The following CORO1C variants were observed in gnomAD, a reference collection of about 807,000 sequenced individuals.
The protein encoded by CORO1C is coronin 1C.
A neutral mutation model predicts 51.2 loss-of-function variants in CORO1C; 14 were observed. The observed-to-expected ratio is 0.27, with a 90% confidence interval of 0.18 to 0.43. The LOEUF (loss-of-function observed/expected upper bound fraction) is 0.43, where lower values mean the gene tolerates loss of function less well. Ranked by LOEUF, CORO1C falls within the 20% of genes least tolerant of loss-of-function variation. The pLI is 1.00. For synonymous variants in CORO1C, 181 were observed against 210.5 expected (o/e 0.86, Z 1.21); for missense variants, 417 against 607.8 (o/e 0.69, Z 3.30).
At chr12:108,648,875 G>T (rs1451700910) in intron 9 of CORO1C, 25 bp from the exon 10 acceptor site, 1 of 1,613,616 alleles carries the variant, frequency 6.2e-7, no homozygotes, top group Non-Finnish European at 8.5e-7. Flanking sequence ...TGGCACCCGT[G>T]GGTAAGGAAG....
chr12:108,678,411 A>G lies in CORO1C; in HGVS notation c.196-17T>C. The stretch of plus-strand genomic sequence containing the variant: ...TCGACCAGTCTGAAAGAAGAGAGAA[A>G]CAAACCTATTATGTAATATCAACAC... On this transcript the variant is annotated splice_polypyrimidine_tract_variant and intron_variant, in intron 2 of 10. Transcript: ENST00000261401. 2 of 1,557,924 alleles carry G rather than the reference A, an allele frequency of 1.3e-6. No individual in the cohort carries two copies. The highest frequency in any genetic ancestry group is 1.7e-6 in the Non-Finnish European group (2 of 1,148,632).
At chr12:108,684,934 G>A (rs925447026) in intron 2 of CORO1C, among the ~76,000 whole-genome samples, 3 of 151,918 alleles carry the variant, frequency 2.0e-5, no homozygotes, top group African/African-American at 7.3e-5. Context: ...TTTACATCAG[G>A]GTCTTTGCAT....
chr12:108,652,082 T>G, intron 8 of CORO1C, 190 bp downstream of exon 8: 1 of 332,476 alleles, frequency 3.0e-6, no homozygotes, highest in Non-Finnish European at 5.3e-6. Context: ...GAGATTTTTT[T>G]CTAATGAAGA....
chr12:108,730,574 C>G (rs1355680971), intron 1 of CORO1C: 1 of 152,592 alleles, frequency 6.6e-6, no homozygotes, highest in Admixed American at 6.5e-5. Context: ...GCACCTCGCT[C>G]CTTTTTACTG....
intron 3 of CORO1C, among the ~76,000 whole-genome samples, chr12:108,672,015 G>T (rs374885206): frequency 6.6e-6 from 1 of 152,062 alleles, no homozygotes; most frequent in East Asian, 1.9e-4. Context: ...CACCTGCCTC[G>T]GCCTCCCAAA....
intron 1 of CORO1C, among the ~76,000 whole-genome samples, chr12:108,716,636 C>T (rs1251992794): frequency 6.6e-6 from 1 of 152,146 alleles, no homozygotes; most frequent in Non-Finnish European, 1.5e-5. Context: ...CCAGCTAGAT[C>T]ATTTTGGTCC....
chr12:108,721,844 C>T (rs773308727), intron 1 of CORO1C, among the ~76,000 whole-genome samples: 1 of 152,072 alleles, frequency 6.6e-6, no homozygotes, highest in Non-Finnish European at 1.5e-5. Flanking sequence ...GATCAACTTT[C>T]CAAAGGTCAC....
At chr12:108,674,373 T>C (rs2033826893) in intron 3 of CORO1C, among the ~76,000 whole-genome samples, 1 of 151,792 alleles carries the variant, frequency 6.6e-6, no homozygotes, top group African/African-American at 2.4e-5. Flanking sequence ...ATGGTGAAAC[T>C]CCATCTCTAT....
intron 1 of CORO1C, among the ~76,000 whole-genome samples, chr12:108,716,756 T>TC (rs1466111173): frequency 3.9e-5 from 6 of 152,034 alleles, no homozygotes; most frequent in East Asian, 1.9e-4. Context: ...ACAGTCCACA[T>TC]CCCCCCCAGT....
chr12:108,724,169 A>G (rs1182823397), intron 1 of CORO1C, among the ~76,000 whole-genome samples: 1 of 152,208 alleles, frequency 6.6e-6, no homozygotes, highest in African/African-American at 2.4e-5. Flanking sequence ...CAACAACAAC[A>G]TAGGTACATG....
intron 2 of CORO1C, among the ~76,000 whole-genome samples, chr12:108,680,088 C>A (rs1212081640): frequency 6.6e-6 from 1 of 152,174 alleles, no homozygotes; most frequent in African/African-American, 2.4e-5. Flanking sequence ...CTTTTATGGA[C>A]CAGACATTGT....
At chr12:108,693,386 C>A (rs1208347207) in intron 2 of CORO1C, among the ~76,000 whole-genome samples, 1 of 152,270 alleles carries the variant, frequency 6.6e-6, no homozygotes, top group East Asian at 1.9e-4. Flanking sequence ...TTTCCATCAA[C>A]GTGACAGAAG....
intron 1 of CORO1C, among the ~76,000 whole-genome samples, chr12:108,708,025 C>A (rs1368649920): frequency 6.6e-6 from 1 of 152,166 alleles, no homozygotes; most frequent in Non-Finnish European, 1.5e-5. Context: ...TCATACACTC[C>A]TGGTGGGAAT....
chr12:108,648,889 A>G, intron 9 of CORO1C, 39 bp from the exon 10 acceptor site: 1 of 1,613,216 alleles, frequency 6.2e-7, no homozygotes, highest in Non-Finnish European at 8.5e-7. Flanking sequence ...AAGGAAGAAG[A>G]AAGGCCTGGG....
rs1471679935 is a variant in CORO1C, at chr12:108,648,702, T to G, written c.1208A>C (p.Lys403Thr). Residue 403 changes from lysine (K) to threonine (T), a missense_variant, in exon 10 of 11, where the codon AAG becomes ACG. Coordinates refer to ENST00000261401, the MANE Select transcript of CORO1C (RefSeq NM_014325.4). ...GYIPGKNRDL[K>T]VVKKNILDSK... ...ATCCAGAATGTTCTTCTTGACCACCTTGAGATCCCTGTTTTTGCCTGGAAT... is the reference window on the plus strand; with the variant it reads ...ATCCAGAATGTTCTTCTTGACCACCGTGAGATCCCTGTTTTTGCCTGGAAT... The G allele has an allele frequency of 1.4e-5, 23 of 1,614,156 alleles. No individual in the cohort carries two copies. The highest frequency in any genetic ancestry group is 1.9e-5 in the Non-Finnish European group (23 of 1,180,024).
intron 1 of CORO1C, among the ~76,000 whole-genome samples, chr12:108,707,720 T>C (rs890989908): frequency 6.6e-6 from 1 of 152,184 alleles, no homozygotes; most frequent in Non-Finnish European, 1.5e-5. Flanking sequence ...GAGAAAACTT[T>C]TGCAAACTTT....
At chr12:108,647,695 G>C (rs1051641491) in intron 10 of CORO1C, among the ~76,000 whole-genome samples, 173 bp from the exon 11 acceptor site, 3 of 152,196 alleles carry the variant, frequency 2.0e-5, no homozygotes, top group African/African-American at 7.2e-5. Context: ...TGAATGCAAT[G>C]AGCACTGGCC....
At chr12:108,728,365 A>C (rs1278664389) in intron 1 of CORO1C, among the ~76,000 whole-genome samples, 2 of 152,172 alleles carry the variant, frequency 1.3e-5, no homozygotes, top group Non-Finnish European at 2.9e-5. Context: ...GAAGTACTAT[A>C]CAATACTACC....
At position 108,684,565 on chromosome 12, in the gene CORO1C, G is replaced by A. The variant is rs551393789; in HGVS notation, c.196-6171C>T. Among the ~76,000 whole-genome samples the A allele has an allele frequency of 3.3e-5, 5 of 152,084 alleles. 1 individual carries two copies. In the East Asian group the frequency reaches 5.8e-4, roughly 18 times the overall value. On this transcript the variant is annotated intron_variant, in intron 2 of 10. Transcript: ENST00000261401. The stretch of plus-strand genomic sequence containing the variant: ...ATATTTACATAAAAGTTTAAGGCAC[G>A]CGAAATAAAAGTACATGTTACAGAT...
Sources: gnomAD v4.1 joint callset for allele counts (sites outside exome capture counted in the v4.1 genomes callset) on GRCh38, gnomAD v4.1.1 for gene constraint, MANE v1.5 for transcripts, NCBI Gene and HGNC (gene_info 2026-07-23, HGNC 2026-07-21) for gene names.